Variants in MICAL3 observed in about 807,000 individuals in gnomAD.
MICAL3 encodes [F-actin]-monooxygenase MICAL3.
A neutral mutation model predicts 207.4 loss-of-function variants in MICAL3; 62 were observed. That is an observed-to-expected ratio of 0.30 (90% confidence interval 0.24 to 0.37). The LOEUF (loss-of-function observed/expected upper bound fraction) is 0.37, where lower values mean the gene tolerates loss of function less well. Ranked by LOEUF, MICAL3 falls within the 10% of genes least tolerant of loss-of-function variation. The pLI is 1.00. For synonymous variants in MICAL3, 1,077 were observed against 1,069.3 expected (o/e 1.01, Z -0.14); for missense variants, 2,368 against 2,635.6 (o/e 0.90, Z 2.22).
chr22:17,942,086 C>T lies in MICAL3; in HGVS notation c.-74-35200G>A, dbSNP rs115767030. ...CTCAAGGAAACGACTTGCCTAATCT[C>T]GGAGCGTGTCTGTTTTGTTCAGGAA... On this transcript the variant is annotated intron_variant, in intron 1 of 31. Transcript: ENST00000441493. Among the ~76,000 whole-genome samples, 775 of 152,310 alleles carry T rather than the reference C, an allele frequency of 5.1e-3. 8 individuals carry two copies. The highest frequency in any genetic ancestry group is 0.018 in the African/African-American group (753 of 41,576).
intron 1 of MICAL3, among the ~76,000 whole-genome samples, chr22:17,946,868 G>A (rs1569142672): frequency 6.6e-6 from 1 of 152,184 alleles, no homozygotes; most frequent in Non-Finnish European, 1.5e-5. Flanking sequence ...CCTCTTCCCT[G>A]GGGAACACCC....
At chr22:17,950,539 GTTT>G (rs1421190853) in intron 1 of MICAL3, among the ~76,000 whole-genome samples, 36 of 152,026 alleles carry the variant, frequency 2.4e-4, no homozygotes, top group African/African-American at 8.4e-4. Context: ...GTTTCACTAT[GTTT>G]GCCAGGCTGG....
intron 19 of MICAL3, among the ~76,000 whole-genome samples, chr22:17,854,102 C>A (rs1475454289): frequency 1.3e-5 from 2 of 152,190 alleles, no homozygotes; most frequent in African/African-American, 2.4e-5. Context: ...AGGCTGACAG[C>A]ATGTCAATGT....
At chr22:17,928,426 A>G (rs1417596749) in intron 1 of MICAL3, among the ~76,000 whole-genome samples, 5 of 148,816 alleles carry the variant, frequency 3.4e-5, no homozygotes, top group South Asian at 2.1e-4. Context: ...GCGAAACAGC[A>G]AGACTCCGTC....
At chr22:17,906,451 T>C (rs2146267674) in intron 2 of MICAL3, 98 bp downstream of exon 2, 2 of 1,604,210 alleles carry the variant, frequency 1.2e-6, no homozygotes, top group Admixed American at 1.7e-5. Context: ...ACCCAGACCT[T>C]GTAGATCATA....
rs1054258282 is a variant in MICAL3, at chr22:17,841,506, C to T, written c.2801+316G>A. 5 of 522,922 alleles carry T rather than the reference C, an allele frequency of 9.6e-6. No individual in the cohort carries two copies. In the Admixed American group the frequency reaches 1.3e-4, roughly 13 times the overall value. 32.4% of individuals were successfully genotyped at this position (522,922 alleles called of 1,614,324 possible). On this transcript the variant is annotated intron_variant, in intron 20 of 31. Coordinates refer to ENST00000441493, the MANE Select transcript of MICAL3 (RefSeq NM_015241.3). This position sits in a 1 kb window ranked among gnomAD's most constrained non-coding sequence, Gnocchi z 4.2. ...CAGAGTCCCTCCCCGTGTGCCCGTCCTTCCCTCTGCTGAATCTGTGAATAA... is the reference window on the plus strand; with the variant it reads ...CAGAGTCCCTCCCCGTGTGCCCGTCTTTCCCTCTGCTGAATCTGTGAATAA...
In MICAL3 at chr22:18,020,110, GC is replaced by G. The variant is rs1924362907; in HGVS notation, c.-75+4170del. 2.6e-5 allele frequency: 4 copies of G among 151,964 alleles called. No homozygotes were observed. The South Asian group carries it at 6.2e-4, about 24-fold the overall frequency. 9.4% of individuals were successfully genotyped at this position (151,964 alleles called of 1,614,324 possible). A position where few individuals can be genotyped will look rare whatever the true frequency, so the allele number is the denominator to read the frequency against. On this transcript the variant is annotated intron_variant, in intron 1 of 31. Coordinates refer to ENST00000441493, the MANE Select transcript of MICAL3 (RefSeq NM_015241.3). ...TTACAGGTGTGAGCCACCGCGCCCG[GC>G]CAGCTGCTGATGTTTTTAAGAGGAC... is the stretch of plus-strand genomic sequence containing the variant.
In MICAL3 at chr22:17,875,682, T is replaced by TTA. The variant is rs771912643; in HGVS notation, c.2242-3660_2242-3659insTA. On this transcript the variant is annotated intron_variant, in intron 16 of 31. Coordinates refer to ENST00000441493, the MANE Select transcript of MICAL3 (RefSeq NM_015241.3). ...ACCTTTATCTAAATACCATGTATAG[T>TTA]AAAAAAAAAAAAAAAAAAAAAGTAG... The TTA allele has an allele frequency of 9.3e-3, 1,596 of 170,728 alleles. 29 individuals carry two copies. Among genetic ancestry groups the TTA allele is most frequent in the South Asian group, 0.021 (248 of 11,880 alleles). The allele number at this position is 170,728 out of a possible 1,614,324, so 10.6% of individuals were successfully genotyped here. A position where few individuals can be genotyped will look rare whatever the true frequency, so the allele number is the denominator to read the frequency against.
chr22:17,961,009 C>A (rs1335447319), intron 1 of MICAL3, among the ~76,000 whole-genome samples: 3 of 152,082 alleles, frequency 2.0e-5, no homozygotes, highest in African/African-American at 4.8e-5. Flanking sequence ...CTGCAGGAGT[C>A]TGAGCAGGGA....
intron 19 of MICAL3, among the ~76,000 whole-genome samples, chr22:17,857,737 C>A (rs952257842): frequency 3.3e-5 from 5 of 152,238 alleles, no homozygotes; most frequent in African/African-American, 1.2e-4. Flanking sequence ...GGAGCTGGGG[C>A]CCTAGATTCC....
Position 17,831,841 on chromosome 22 carries a change from A to G in MICAL3, c.3055+13T>C. 6.5e-7 allele frequency: 1 copy of G among 1,549,766 alleles called. No homozygotes were observed. The highest frequency in any genetic ancestry group is 8.7e-7 in the Non-Finnish European group (1 of 1,146,488). On this transcript the variant is annotated intron_variant, in intron 21 of 31. Transcript: ENST00000441493. ...GGGCAGGGCAGAGTTCGGAGCAGAGATTTTGTTCTGACCTTCACTGGACTC... is the reference window on the plus strand; with the variant it reads ...GGGCAGGGCAGAGTTCGGAGCAGAGGTTTTGTTCTGACCTTCACTGGACTC...
At chr22:17,847,417 C>T (rs921459077) in intron 19 of MICAL3, among the ~76,000 whole-genome samples, 3 of 152,140 alleles carry the variant, frequency 2.0e-5, no homozygotes, top group Non-Finnish European at 4.4e-5. Context: ...AGGATGGCTG[C>T]AGGGGTTCAT....
chr22:17,857,284 G>A (rs560583513), intron 19 of MICAL3, among the ~76,000 whole-genome samples: 87 of 152,262 alleles, frequency 5.7e-4, no homozygotes, highest in Non-Finnish European at 1.1e-3. Context: ...CAGCGGTGGC[G>A]GCACGAGATT....
intron 1 of MICAL3, among the ~76,000 whole-genome samples, chr22:17,909,125 C>A (rs1051556813): frequency 6.6e-6 from 1 of 152,224 alleles, no homozygotes; most frequent in African/African-American, 2.4e-5. Context: ...ACACAACACT[C>A]GTCACATAAT....
chr22:17,970,223 T>C (rs1373026391), intron 1 of MICAL3, among the ~76,000 whole-genome samples: 1 of 152,148 alleles, frequency 6.6e-6, no homozygotes, highest in Non-Finnish European at 1.5e-5. Flanking sequence ...CCCTCCACTG[T>C]CCCCCGCCCA....
At position 17,902,002 on chromosome 22, in the gene MICAL3, TG is replaced by T. The variant is rs559494627; in HGVS notation, c.590-24del. 271 of 1,563,616 alleles carry T rather than the reference TG, an allele frequency of 1.7e-4. 1 individual carries two copies. The Middle Eastern group carries it at 1.8e-3, about 11-fold the overall frequency. ...TCCCTGTGAACCAAAACCAAATAAA[TG>T]GGGGTCACCACCCAGACCACATTCA... On this transcript the variant is annotated intron_variant, in intron 4 of 31. Transcript: ENST00000441493. The surrounding 1 kb of genome is among the most constrained non-coding windows in gnomAD (Gnocchi z 4.5).
At chr22:17,986,251 T>C (rs1921003793) in intron 1 of MICAL3, among the ~76,000 whole-genome samples, 1 of 152,150 alleles carries the variant, frequency 6.6e-6, no homozygotes, top group African/African-American at 2.4e-5. Context: ...CCGGGCACAG[T>C]GGCTTATGCG....
intron 1 of MICAL3, among the ~76,000 whole-genome samples, chr22:17,983,985 A>G (rs144708142): frequency 6.6e-6 from 1 of 152,270 alleles, no homozygotes; most frequent in East Asian, 1.9e-4. Context: ...AATCATCGTG[A>G]CTCTAGGTGA....
At chr22:17,884,331 G>A (rs1201696737) in intron 16 of MICAL3, 1 of 1,596,188 alleles carries the variant, frequency 6.3e-7, no homozygotes, top group African/African-American at 1.4e-5. Context: ...CAGCAGGACG[G>A]CTGGCTGGCC....
Sources: gnomAD v4.1 joint callset for allele counts (sites outside exome capture counted in the v4.1 genomes callset) on GRCh38, gnomAD v4.1.1 for gene constraint, Gnocchi (gnomAD v3.1) non-coding constraint, MANE v1.5 for transcripts, NCBI Gene and HGNC (gene_info 2026-07-23, HGNC 2026-07-21) for gene names.